FAM169A: variants seen among roughly 807,000 people sequenced by gnomAD.
FAM169A encodes the protein family with sequence similarity 169 member A.
Under a neutral mutation model 75.7 loss-of-function variants are expected in FAM169A, and 24 were observed. That is an observed-to-expected ratio of 0.32 (90% CI 0.23 to 0.45). The LOEUF (loss-of-function observed/expected upper bound fraction) is 0.45. Ranked by LOEUF, FAM169A falls within the 20% of genes least tolerant of loss-of-function variation. The probability of loss-of-function intolerance (pLI) is 1.00; values close to 1 mark genes in which losing one functional copy is unlikely to be tolerated. For missense variants in FAM169A, 673 were observed against 784.0 expected, an observed-to-expected ratio of 0.86 and a Z score of 1.69; for synonymous variants, 271 against 271.0, an observed-to-expected ratio of 1.00 and a Z score of 0.00.
intron 1 of FAM169A, among the ~76,000 whole-genome samples, chr5:74,848,196 T>C (rs1749256650): frequency 6.6e-6 from 1 of 152,190 alleles, no homozygotes; most frequent in Non-Finnish European, 1.5e-5. Context: ...ATGAAAGAAT[T>C]AGAAATTATT....
chr5:74,812,390 G>C (rs773881206), intron 6 of FAM169A, among the ~76,000 whole-genome samples: 6 of 151,404 alleles, frequency 4.0e-5, no homozygotes, highest in Admixed American at 6.6e-5. Context: ...GGCTCCTAAA[G>C]TGCTAGAATT....
intron 5 of FAM169A, among the ~76,000 whole-genome samples, chr5:74,818,786 T>C (rs1248712885): frequency 7.3e-6 from 1 of 136,810 alleles, no homozygotes; most frequent in African/African-American, 2.9e-5. Context: ...TCTCTCTCTC[T>C]CTCTCTCTCT....
intron 5 of FAM169A, among the ~76,000 whole-genome samples, chr5:74,833,091 T>C (rs2112645756): frequency 6.6e-6 from 1 of 152,224 alleles, no homozygotes; most frequent in African/African-American, 2.4e-5. Context: ...TGTGCCTTTG[T>C]GTGTCTTTCA....
chr5:74,839,505 CTG>C lies in FAM169A; in HGVS notation c.233-457_233-456del, dbSNP rs1333254184. On this transcript the variant is annotated intron_variant, in intron 3 of 12. Coordinates refer to ENST00000687041, the MANE Select transcript of FAM169A (RefSeq NM_001376049.1). ...TGGTGGCCTCCCCAGCCATGCGGAA[CTG>C]TGAGTCAATTTTTAATTTTTTTTTT... 3.3e-5 allele frequency among the ~76,000 whole-genome samples: 5 copies of C among 151,524 alleles called. No individual in the cohort carries two copies. The East Asian group carries it at 5.8e-4, about 18-fold the overall frequency.
rs1236732799 is a variant in FAM169A, at chr5:74,778,887, G to T, written c.*2573C>A. On this transcript the variant is annotated 3_prime_UTR_variant, in exon 13 of 13. Coordinates refer to ENST00000687041, the MANE Select transcript of FAM169A (RefSeq NM_001376049.1). ...CACATTTTCAGTCCTCTGTAATTGT[G>T]AAATTTTTTCTAATGCCTTGCAAAA... 6.6e-6 allele frequency: 1 copy of T among 152,024 alleles called. No homozygotes were observed. Among genetic ancestry groups the T allele is most frequent in the East Asian group, 1.9e-4 (1 of 5,198 alleles). 9.4% of individuals were successfully genotyped at this position (152,024 alleles called of 1,614,324 possible).
intron 5 of FAM169A, among the ~76,000 whole-genome samples, chr5:74,824,605 T>C (rs1451515573): frequency 1.3e-5 from 2 of 152,004 alleles, no homozygotes; most frequent in Non-Finnish European, 2.9e-5. Context: ...TACTTCTTGT[T>C]TTTAATCAAA....
chr5:74,833,766 T>G (rs533181479), intron 5 of FAM169A, among the ~76,000 whole-genome samples: 2 of 152,324 alleles, frequency 1.3e-5, no homozygotes, highest in Non-Finnish European at 2.9e-5. Context: ...GGATTGTATG[T>G]GTACACAGAG....
chr5:74,846,291 G>C (rs1013683512), intron 1 of FAM169A, among the ~76,000 whole-genome samples: 6 of 152,118 alleles, frequency 3.9e-5, no homozygotes, highest in African/African-American at 1.4e-4. Context: ...CATTTACTAA[G>C]AGCAATTGTA....
In FAM169A at chr5:74,813,884, TCTTCTGTA is replaced by T; in HGVS notation, c.618_625del (p.Phe206LeufsTer22). 6.2e-7 allele frequency: 1 copy of T among 1,604,462 alleles called. No individual in the cohort carries two copies. ...CAGTGGATACCGCAAGCCAAGCGCA[TCTTCTGTA>T]AAGGAATCAACAAAGTCCTCCAGCA... On this transcript the variant is annotated frameshift_variant, in exon 6 of 13. Transcript: ENST00000687041. LOFTEE classifies it high-confidence loss of function.
chr5:74,848,332 A>C (rs1561323330), intron 1 of FAM169A, among the ~76,000 whole-genome samples: 1 of 152,178 alleles, frequency 6.6e-6, no homozygotes, highest in Non-Finnish European at 1.5e-5. Flanking sequence ...TAGATGAAGA[A>C]ACAGTTTTGG....
At chr5:74,834,933 C>A (rs1243194319) in intron 4 of FAM169A, among the ~76,000 whole-genome samples, 5 of 150,456 alleles carry the variant, frequency 3.3e-5, no homozygotes, top group African/African-American at 9.9e-5. Context: ...GATCCAGGGT[C>A]TTACCAACCC....
At chr5:74,825,669 T>C (rs189430094) in intron 5 of FAM169A, among the ~76,000 whole-genome samples, 10 of 152,314 alleles carry the variant, frequency 6.6e-5, no homozygotes, top group Non-Finnish European at 1.3e-4. Flanking sequence ...CACTCTTTAT[T>C]AATTTGACGG....
intron 11 of FAM169A, among the ~76,000 whole-genome samples, chr5:74,793,095 G>A (rs1350346005): frequency 2.6e-5 from 4 of 152,150 alleles, no homozygotes; most frequent in Non-Finnish European, 4.4e-5. Context: ...GGGAGGCCGA[G>A]GTGGGTGGAT....
Position 74,813,843 on chromosome 5 carries a change from T to TA in FAM169A, c.666dup (p.Thr223TyrfsTer8), listed in dbSNP as rs1747334468. On this transcript the variant is annotated frameshift_variant, in exon 6 of 13. Transcript: ENST00000687041. LOFTEE classifies it high-confidence loss of function. ...TTTTTTAACTTAGTCCATTTACCTG[T>TA]ATACATGAGAGAAGACAGTGGATAC... 3 of 1,562,848 alleles carry TA rather than the reference T, an allele frequency of 1.9e-6. No homozygotes were observed. The highest frequency in any genetic ancestry group is 2.6e-6 in the Non-Finnish European group (3 of 1,163,472).
In FAM169A at chr5:74,836,470, A is replaced by G. The variant is rs181295491; in HGVS notation, c.319-1873T>C. 1.4e-4 allele frequency among the ~76,000 whole-genome samples: 21 copies of G among 152,354 alleles called. No homozygotes were observed. The East Asian group carries it at 4.1e-3, about 29-fold the overall frequency. On this transcript the variant is annotated intron_variant, in intron 4 of 12. Coordinates refer to ENST00000687041, the MANE Select transcript of FAM169A (RefSeq NM_001376049.1). ...GCATACTACTGAGGACCTCCCGTCC[A>G]TATAATTGAGCATCAGTTTCCAGGT...
intron 5 of FAM169A, among the ~76,000 whole-genome samples, chr5:74,822,082 GCA>G (rs1320803368): frequency 6.6e-6 from 1 of 152,168 alleles, no homozygotes; most frequent in Non-Finnish European, 1.5e-5. Context: ...TTAAGGCTGA[GCA>G]CAGTGTTATG....
chr5:74,862,475 T>C (rs1160508867), intron 1 of FAM169A, among the ~76,000 whole-genome samples: 5 of 152,200 alleles, frequency 3.3e-5, no homozygotes, highest in Admixed American at 6.5e-5. Flanking sequence ...AAGACCAAGT[T>C]CAACTGTCAC....
chr5:74,846,960 T>G (rs1259849374), intron 1 of FAM169A, among the ~76,000 whole-genome samples: 3 of 152,188 alleles, frequency 2.0e-5, no homozygotes, highest in Non-Finnish European at 4.4e-5. Context: ...CTAAGTCCAC[T>G]GATCTTTCCT....
upstream of FAM169A, chr5:74,866,759 G>A (rs1750370242): frequency 9.1e-6 from 9 of 985,408 alleles, 1 homozygote; most frequent in South Asian, 2.8e-4. Context: ...ACCTTCGCAG[G>A]ATTCTGTTCG....
Sources: allele counts gnomAD v4.1 joint callset (sites outside exome capture counted in the v4.1 genomes callset), GRCh38; gene constraint gnomAD v4.1.1; transcripts MANE v1.5; gene names NCBI Gene and HGNC (gene_info 2026-07-23, HGNC 2026-07-21).